RAB1A: variants seen among roughly 807,000 people sequenced by gnomAD.
RAB1A encodes the protein ras-related protein Rab-1A.
RAB1A carries 2 observed loss-of-function variants against 26.0 expected under a neutral mutation model. The observed-to-expected ratio is 0.08, with a 90% CI of 0.03 to 0.24. RAB1A has a LOEUF of 0.24. RAB1A is among the 10% of genes least tolerant of loss of function. The probability of loss-of-function intolerance (pLI) is 1.00; values close to 1 mark genes in which losing one functional copy is unlikely to be tolerated. For missense variants in RAB1A, 100 were observed against 247.0 expected, an observed-to-expected ratio of 0.40 and a Z score of 3.99; for synonymous variants, 84 against 84.9, an observed-to-expected ratio of 0.99 and a Z score of 0.06.
intron 1 of RAB1A, among the ~76,000 whole-genome samples, chr2:65,125,582 C>T (rs924497136): frequency 6.6e-6 from 1 of 151,766 alleles, no homozygotes; most frequent in Non-Finnish European, 1.5e-5. Context: ...CCACCACACC[C>T]AGCTAATTTT....
At chr2:65,114,089 C>G (rs1031879327) in intron 1 of RAB1A, 2 of 430,478 alleles carry the variant, frequency 4.6e-6, no homozygotes, top group Non-Finnish European at 9.0e-6. Context: ...TGTAAACAGA[C>G]AGCAATGGCA....
At chr2:65,117,160 G>T (rs1669844866) in intron 1 of RAB1A, among the ~76,000 whole-genome samples, 1 of 150,914 alleles carries the variant, frequency 6.6e-6, no homozygotes, top group Non-Finnish European at 1.5e-5. Flanking sequence ...CCAACTTCTG[G>T]GCTCAAGCAA....
chr2:65,094,974 T>C (rs1461744509), intron 3 of RAB1A, among the ~76,000 whole-genome samples: 7 of 152,170 alleles, frequency 4.6e-5, no homozygotes, highest in Admixed American at 1.3e-4. Context: ...TTCAGGCAGC[T>C]CTACAAGGCG....
At chr2:65,114,156 A>T (rs1458963729) in intron 1 of RAB1A, 1 of 460,620 alleles carries the variant, frequency 2.2e-6, no homozygotes, top group Non-Finnish European at 4.2e-6. Context: ...ATGAGAATAT[A>T]CTGTTTTCTT....
chr2:65,119,811 C>G (rs1669914247), intron 1 of RAB1A, among the ~76,000 whole-genome samples: 1 of 109,066 alleles, frequency 9.2e-6, no homozygotes, highest in Non-Finnish European at 1.7e-5. Context: ...CAGAGACAAG[C>G]CTGGGTAACA....
At chr2:65,091,594 A>G (rs547623939) in intron 3 of RAB1A, among the ~76,000 whole-genome samples, 1 of 152,252 alleles carries the variant, frequency 6.6e-6, no homozygotes, top group East Asian at 1.9e-4. Context: ...TGGCATGATC[A>G]TGGCTCGCTG....
chr2:65,102,170 CAT>C (rs1201279417), intron 2 of RAB1A, among the ~76,000 whole-genome samples: 1 of 151,852 alleles, frequency 6.6e-6, no homozygotes, highest in Admixed American at 6.6e-5. Context: ...TACCAATCCT[CAT>C]ATATATATAT....
intron 3 of RAB1A, among the ~76,000 whole-genome samples, chr2:65,096,534 C>G (rs574377525): frequency 6.6e-6 from 1 of 152,298 alleles, no homozygotes; most frequent in South Asian, 2.1e-4. Context: ...TTATTCCATA[C>G]CAGTGCTTTA....
At chr2:65,125,972 A>G (rs1005527630) in intron 1 of RAB1A, among the ~76,000 whole-genome samples, 6 of 147,624 alleles carry the variant, frequency 4.1e-5, no homozygotes, top group Non-Finnish European at 5.9e-5. Flanking sequence ...CCGAGGTTCA[A>G]GAGATTGTCC....
At position 65,102,752 on chromosome 2, in the gene RAB1A, C is replaced by A. The variant is rs144887459; in HGVS notation, c.96+1982G>T. 1.1e-3 allele frequency among the ~76,000 whole-genome samples: 165 copies of A among 151,722 alleles called. 6 individuals carry two copies. In the East Asian group the frequency reaches 0.029, roughly 27 times the overall value. On this transcript the variant is annotated intron_variant, in intron 2 of 5. Transcript: ENST00000409784. ...ACCAGCCTGGCCAACATGGTGAAAC[C>A]CCATCTCTACTAAAAATACAAAAAC... is the stretch of plus-strand genomic sequence containing the variant.
chr2:65,128,469 A>G lies in RAB1A; in HGVS notation c.23+1424T>C, dbSNP rs532142439. 2.0e-3 allele frequency among the ~76,000 whole-genome samples: 299 copies of G among 152,326 alleles called. 1 individual carries two copies. Among genetic ancestry groups the G allele is most frequent in the Admixed American group, 3.3e-3 (50 of 15,296 alleles). ...TTGTCCTTGGAGCCCTTGAAAAAAA[A>G]TTTTTTTTAAACTGTCAACACAGCA... On this transcript the variant is annotated intron_variant, in intron 1 of 5. Coordinates refer to ENST00000409784, the MANE Select transcript of RAB1A (RefSeq NM_004161.5).
chr2:65,094,359 C>T (rs931162492), intron 3 of RAB1A, among the ~76,000 whole-genome samples: 17 of 152,140 alleles, frequency 1.1e-4, no homozygotes, highest in African/African-American at 3.9e-4. Context: ...CCAAGGCAGG[C>T]GGATCACCTG....
intron 1 of RAB1A, among the ~76,000 whole-genome samples, chr2:65,129,167 A>C: frequency 6.8e-6 from 1 of 147,904 alleles, no homozygotes; most frequent in African/African-American, 2.5e-5. Flanking sequence ...CCCTTGACCC[A>C]CAGAAGACAA....
rs374680749 is a variant in RAB1A at position 65,087,600 on chromosome 2, G to A, written c.*893C>T. 3 of 152,508 alleles carry A rather than the reference G, an allele frequency of 2.0e-5. No individual in the cohort carries two copies. The highest frequency in any genetic ancestry group is 1.3e-4 in the Admixed American group (2 of 15,278). The allele number at this position is 152,508 out of a possible 1,614,324, so 9.4% of individuals were successfully genotyped here. A position where few individuals can be genotyped will look rare whatever the true frequency, so the allele number is the denominator to read the frequency against. ...GTTTTAGAGAAGGATCAGAGATAAC[G>A]GGCTAGATAGCATACATTCTAAACT... On this transcript the variant is annotated 3_prime_UTR_variant, in exon 6 of 6. Transcript: ENST00000409784.
intron 2 of RAB1A, 78 bp from the exon 3 acceptor site, chr2:65,098,144 G>T: frequency 3.8e-6 from 3 of 782,740 alleles, no homozygotes; most frequent in Non-Finnish European, 5.7e-6. Context: ...AAAAAAAACT[G>T]TTGTTCAAGA....
intron 1 of RAB1A, among the ~76,000 whole-genome samples, chr2:65,119,282 G>T (rs1669897095): frequency 6.6e-6 from 1 of 152,074 alleles, no homozygotes. Context: ...AAGGCAGGCA[G>T]ATCACCTGAG....
chr2:65,116,275 T>C (rs1669824597), intron 1 of RAB1A, among the ~76,000 whole-genome samples: 1 of 152,114 alleles, frequency 6.6e-6, no homozygotes, highest in Non-Finnish European at 1.5e-5. Context: ...GGGTAGACAG[T>C]CTTTAATATG....
intron 1 of RAB1A, among the ~76,000 whole-genome samples, chr2:65,122,079 C>T (rs1669974255): frequency 6.9e-6 from 1 of 144,614 alleles, no homozygotes; most frequent in Non-Finnish European, 1.5e-5. Context: ...ATGCTGGAAC[C>T]CGGGAGACAG....
At chr2:65,119,247 T>C (rs1032016954) in intron 1 of RAB1A, among the ~76,000 whole-genome samples, 1 of 151,540 alleles carries the variant, frequency 6.6e-6, no homozygotes, top group Non-Finnish European at 1.5e-5. Flanking sequence ...GGCTCACACC[T>C]GTAATCCCAG....
Sources: allele counts gnomAD v4.1 joint callset (sites outside exome capture counted in the v4.1 genomes callset), GRCh38; gene constraint gnomAD v4.1.1; transcripts MANE v1.5; gene names NCBI Gene and HGNC (gene_info 2026-07-23, HGNC 2026-07-21).